The following SGCD variants were observed in gnomAD, a reference collection of about 807,000 sequenced individuals.
SGCD encodes delta-sarcoglycan.
A neutral mutation model predicts 36.6 loss-of-function variants in SGCD; 18 were observed. That is an observed-to-expected ratio of 0.49 (90% confidence interval 0.34 to 0.73). The LOEUF (loss-of-function observed/expected upper bound fraction) is 0.73. SGCD is among the 30% of genes least tolerant of loss of function. SGCD has a pLI of 0.01. For synonymous variants in SGCD, 133 were observed against 130.6 expected, an observed-to-expected ratio of 1.02 and a Z score of -0.12; for missense variants, 387 against 346.7, an observed-to-expected ratio of 1.12 and a Z score of -0.92.
In SGCD at chr5:156,148,979, G is replaced by A. The variant is rs141437268; in HGVS notation, c.-44+24960G>A. 1.7e-3 allele frequency among the ~76,000 whole-genome samples: 263 copies of A among 152,290 alleles called. 2 individuals are homozygous for A. The highest frequency in any genetic ancestry group is 6.0e-3 in the African/African-American group (249 of 41,558). On this transcript the variant is annotated intron_variant, in intron 3 of 9. Transcript: ENST00000517913. ...ACTTTGGGGTCTAAGAAGCCAAGGC[G>A]GGGGTCTGAATGGGTTTGTTTTCAT... is the stretch of plus-strand genomic sequence containing the variant.
intron 3 of SGCD, among the ~76,000 whole-genome samples, chr5:156,437,858 T>C (rs6880816): frequency 0.74 from 112,442 of 152,094 alleles, 42,688 homozygotes; most frequent in African/African-American, 0.91. Context: ...GTTTTGGAAT[T>C]ACCTCTGTGA....
the SGCD span, among the ~76,000 whole-genome samples, chr5:155,777,209 C>T: frequency 1.3e-5 from 2 of 152,258 alleles, no homozygotes; most frequent in African/African-American, 4.8e-5. Context: ...ATATTTGATA[C>T]ATACTTCATC....
At position 156,055,016 on chromosome 5, in the gene SGCD, C is replaced by T. The variant is rs1362284587; in HGVS notation, c.-281-62862C>T. ...AAGCTGTTTTAAGCCCACCCTGTCCCTGTTGTGTGTGACAGGGAGCCAAAA... is the reference window on the plus strand; with the variant it reads ...AAGCTGTTTTAAGCCCACCCTGTCCTTGTTGTGTGTGACAGGGAGCCAAAA... On this transcript the variant is annotated intron_variant, in intron 1 of 9. Transcript: ENST00000517913. Among the ~76,000 whole-genome samples, 2 of 146,124 alleles carry T rather than the reference C, an allele frequency of 1.4e-5. 1 individual carries two copies. Among genetic ancestry groups the T allele is most frequent in the Non-Finnish European group, 3.1e-5 (2 of 64,820 alleles).
At chr5:156,263,615 C>T (rs1314273267) in intron 3 of SGCD, among the ~76,000 whole-genome samples, 15 of 151,922 alleles carry the variant, frequency 9.9e-5, no homozygotes, top group Admixed American at 3.3e-4. Flanking sequence ...TCCTATTTAA[C>T]GCTGTTTTTG....
the SGCD span, among the ~76,000 whole-genome samples, chr5:155,773,886 G>T: frequency 6.6e-6 from 1 of 152,162 alleles, no homozygotes; most frequent in Non-Finnish European, 1.5e-5. Flanking sequence ...CGGAGCACAG[G>T]ATGTGGGTGG....
At chr5:156,486,603 G>A (rs1755672982) in intron 3 of SGCD, among the ~76,000 whole-genome samples, 1 of 152,236 alleles carries the variant, frequency 6.6e-6, no homozygotes, top group South Asian at 2.1e-4. Flanking sequence ...ATACACTATT[G>A]CAGGCCTGAG....
the SGCD span, among the ~76,000 whole-genome samples, chr5:155,830,761 G>T: frequency 6.6e-6 from 1 of 152,186 alleles, no homozygotes; most frequent in South Asian, 2.1e-4. Flanking sequence ...ACGACCTGTT[G>T]TGAAGGTGGG....
chr5:156,730,600 A>G (rs1296595786), intron 7 of SGCD, among the ~76,000 whole-genome samples: 2 of 152,100 alleles, frequency 1.3e-5, no homozygotes, highest in African/African-American at 4.8e-5. Context: ...TATATGTTCC[A>G]CGTTTTCTTT....
chr5:156,307,363 C>T (rs1382410825), intron 3 of SGCD, among the ~76,000 whole-genome samples: 2 of 152,132 alleles, frequency 1.3e-5, no homozygotes, highest in South Asian at 2.1e-4. Context: ...TTTAAAATGT[C>T]AACGTATTTG....
At chr5:156,321,406 C>T (rs905475799) in intron 3 of SGCD, among the ~76,000 whole-genome samples, 2 of 151,666 alleles carry the variant, frequency 1.3e-5, no homozygotes, top group East Asian at 1.9e-4. Context: ...GGTGACAGAG[C>T]GAGACTCCGA....
At chr5:156,190,300 T>C (rs1451035439) in intron 3 of SGCD, among the ~76,000 whole-genome samples, 11 of 152,100 alleles carry the variant, frequency 7.2e-5, no homozygotes. Context: ...TACTAAATAT[T>C]TGCTAAATAA....
rs550290453 is a variant in SGCD at position 156,399,119 on chromosome 5, G to A, written c.192+54442G>A. Reference sequence around the variant, plus strand: ...CTATTAATATTACTATTAATACAGAGATAAGTACAAGATTGACAGAGGCTT... The same window carrying A: ...CTATTAATATTACTATTAATACAGAAATAAGTACAAGATTGACAGAGGCTT... On this transcript the variant is annotated intron_variant, in intron 3 of 8. Coordinates refer to ENST00000337851, the MANE Select transcript of SGCD (RefSeq NM_000337.6). Among the ~76,000 whole-genome samples the A allele has an allele frequency of 3.3e-5, 5 of 152,264 alleles. No homozygotes were observed. The East Asian group carries it at 9.6e-4, about 29-fold the overall frequency.
At chr5:156,086,293 T>C (rs753741461) in intron 1 of SGCD, among the ~76,000 whole-genome samples, 1 of 152,246 alleles carries the variant, frequency 6.6e-6, no homozygotes, top group Non-Finnish European at 1.5e-5. Flanking sequence ...TCCTTCTTCC[T>C]TCCTGATACT....
intron 4 of SGCD, among the ~76,000 whole-genome samples, chr5:156,588,579 A>G (rs185369516): frequency 6.6e-6 from 1 of 152,258 alleles, no homozygotes; most frequent in African/African-American, 2.4e-5. Context: ...TGTGTGAAAA[A>G]GTTGGGGAGC....
chr5:156,341,545 GT>G (rs1768652392), intron 2 of SGCD, among the ~76,000 whole-genome samples: 1 of 151,974 alleles, frequency 6.6e-6, no homozygotes, highest in South Asian at 2.1e-4. Context: ...TTTCTTTTGT[GT>G]TTCGGTGCAT....
intron 7 of SGCD, among the ~76,000 whole-genome samples, chr5:156,729,673 A>G (rs1755959478): frequency 6.6e-6 from 1 of 152,218 alleles, no homozygotes; most frequent in African/African-American, 2.4e-5. Context: ...AAATTACATT[A>G]TAAAATCAAG....
chr5:156,455,860 C>T (rs887418009), intron 3 of SGCD, among the ~76,000 whole-genome samples: 1 of 152,046 alleles, frequency 6.6e-6, no homozygotes, highest in Non-Finnish European at 1.5e-5. Context: ...AAAAATGCCA[C>T]GTGAAGACAG....
intron 3 of SGCD, among the ~76,000 whole-genome samples, chr5:156,485,334 A>G (rs1162013196): frequency 6.6e-6 from 1 of 152,182 alleles, no homozygotes; most frequent in Non-Finnish European, 1.5e-5. Context: ...GCCATTAATA[A>G]AGGTGGAAAA....
rs529768389 is a variant in SGCD, at chr5:156,631,694, T to G, written c.503-15770T>G. 4.6e-5 allele frequency among the ~76,000 whole-genome samples: 7 copies of G among 152,096 alleles called. No individual in the cohort carries two copies. In the South Asian group the frequency reaches 1.5e-3, roughly 32 times the overall value. On this transcript the variant is annotated intron_variant, in intron 6 of 8. Coordinates refer to ENST00000337851, the MANE Select transcript of SGCD (RefSeq NM_000337.6). ...ACCAATTCACGTTAGAAGAACACCTTTTAGCGTACCTGTTTTTACAACTTT... is the reference window on the plus strand; with the variant it reads ...ACCAATTCACGTTAGAAGAACACCTGTTAGCGTACCTGTTTTTACAACTTT...
Sources: allele counts gnomAD v4.1 joint callset (sites outside exome capture counted in the v4.1 genomes callset), GRCh38; gene constraint gnomAD v4.1.1; transcripts MANE v1.5; gene names NCBI Gene and HGNC (gene_info 2026-07-23, HGNC 2026-07-21).